Variants in IL4R observed in about 807,000 individuals in gnomAD.
IL4R encodes interleukin 4 receptor.
In IL4R, 17 loss-of-function variants were observed where a neutral mutation model predicts 41.5. The ratio of observed to expected loss-of-function variants is 0.41; its 90% CI spans 0.28 to 0.61. The LOEUF (loss-of-function observed/expected upper bound fraction) is 0.61. IL4R is among the 20% of genes least tolerant of loss of function. The probability of loss-of-function intolerance (pLI) is 0.31; values close to 1 mark genes in which losing one functional copy is unlikely to be tolerated. For synonymous variants in IL4R, 402 were observed against 422.9 expected (o/e 0.95, Z 0.61); for missense variants, 974 against 1,043.1 (o/e 0.93, Z 0.91).
Position 27,316,794 on chromosome 16 carries a change from G to C in IL4R, c.-152+2774G>C, listed in dbSNP as rs185343588. On this transcript the variant is annotated intron_variant, in intron 1 of 10. Transcript: ENST00000395762. ...CCAGAGCCTCAGTTTCTGCATTTAT[G>C]AGATTATAGTGACTATGCCATTGTA... Among the ~76,000 whole-genome samples the C allele has an allele frequency of 2.8e-4, 42 of 152,274 alleles. 1 individual carries two copies. The Middle Eastern group carries it at 0.01, about 37-fold the overall frequency.
intron 9 of IL4R, among the ~76,000 whole-genome samples, chr16:27,359,246 T>G (rs1766388260): frequency 1.3e-5 from 2 of 152,152 alleles, no homozygotes; most frequent in Admixed American, 6.5e-5. Flanking sequence ...TTCCCTCCCC[T>G]TGGGAGAATG....
In IL4R at chr16:27,364,738, G is replaced by T. The variant is rs2086441098; in HGVS notation, c.*908G>T. Reference sequence around the variant, plus strand: ...GTTTGCTGAGGAGAGTGGAACAGAAGGGGTGGAGTTTTGTATAAATAAAGT... The same window carrying T: ...GTTTGCTGAGGAGAGTGGAACAGAATGGGTGGAGTTTTGTATAAATAAAGT... On this transcript the variant is annotated 3_prime_UTR_variant, in exon 11 of 11. Transcript: ENST00000395762. 1 of 152,192 alleles carries T rather than the reference G, an allele frequency of 6.6e-6. No individual in the cohort carries two copies. The highest frequency in any genetic ancestry group is 1.5e-5 in the Non-Finnish European group (1 of 68,046). The allele number at this position is 152,192 out of a possible 1,614,324, so 9.4% of individuals were successfully genotyped here. A position where few individuals can be genotyped will look rare whatever the true frequency, so the allele number is the denominator to read the frequency against.
intron 1 of IL4R, among the ~76,000 whole-genome samples, chr16:27,317,477 G>A (rs2084681276): frequency 6.6e-6 from 1 of 152,150 alleles, no homozygotes; most frequent in Non-Finnish European, 1.5e-5. Flanking sequence ...GACTTACCAT[G>A]GCTGGGCTAG....
At chr16:27,331,202 C>T (rs1229938485) in intron 2 of IL4R, among the ~76,000 whole-genome samples, 2 of 152,112 alleles carry the variant, frequency 1.3e-5, no homozygotes, top group African/African-American at 2.4e-5. Context: ...TAAGTGTATG[C>T]ACCTTGCCAG....
chr16:27,362,164 A>G, intron 10 of IL4R, 88 bp from the exon 11 acceptor site: 1 of 1,277,246 alleles, frequency 7.8e-7, no homozygotes, highest in Non-Finnish European at 1.1e-6. Context: ...AGCCATCAGG[A>G]CATGGTGATT....
chr16:27,323,265 G>C (rs62029990), intron 1 of IL4R, among the ~76,000 whole-genome samples: 2 of 152,236 alleles, frequency 1.3e-5, no homozygotes. Context: ...ACAAAGGCCA[G>C]ATTCTAAATT....
intron 10 of IL4R, chr16:27,361,034 C>A: frequency 7.0e-7 from 1 of 1,431,514 alleles, no homozygotes; most frequent in Admixed American, 2.7e-5. Context: ...CATGGTGATA[C>A]CCCTTGGGAG....
chr16:27,359,808 G>T (rs1409610812), intron 9 of IL4R: 3 of 456,748 alleles, frequency 6.6e-6, no homozygotes, highest in Non-Finnish European at 1.3e-5. Context: ...TGCCATTTAT[G>T]TATCAGTTAG....
chr16:27,362,226 A>G (rs1045456235), intron 10 of IL4R, 26 bp from the exon 11 acceptor site: 2 of 1,607,666 alleles, frequency 1.2e-6, no homozygotes, highest in African/African-American at 2.7e-5. Context: ...TCGAAACTGA[A>G]CCCTGACCAA....
intron 1 of IL4R, among the ~76,000 whole-genome samples, chr16:27,317,486 A>G (rs769429751): frequency 2.6e-5 from 4 of 152,172 alleles, no homozygotes; most frequent in Non-Finnish European, 4.4e-5. Context: ...TGGCTGGGCT[A>G]GAAGAGAGGC....
At chr16:27,357,425 G>T (rs140777920) in intron 8 of IL4R, among the ~76,000 whole-genome samples, 1 of 152,068 alleles carries the variant, frequency 6.6e-6, no homozygotes, top group African/African-American at 2.4e-5. Flanking sequence ...GACAACAGGC[G>T]CTTGCCACCA....
chr16:27,362,867 C>G lies in IL4R; in HGVS notation c.1515C>G (p.Ser505Arg). ...ACCGCAGCTTCAGCAACTCCCTGAGCCAGTCACCGTGTCCCAGAGAGCTGG... is the reference window on the plus strand; with the variant it reads ...ACCGCAGCTTCAGCAACTCCCTGAGGCAGTCACCGTGTCCCAGAGAGCTGG... ...PAYRSFSNSL[S>R]QSPCPRELGP... The change falls in exon 11 of 11, where the codon AGC becomes AGG. Residue 505 changes from serine (S) to arginine (R), a missense_variant. By Grantham distance (110) the Ser-to-Arg change is moderately radical. Transcript: ENST00000395762. 6.2e-7 allele frequency: 1 copy of G among 1,614,182 alleles called. No homozygotes were observed. The highest frequency in any genetic ancestry group is 1.1e-5 in the South Asian group (1 of 91,080).
chr16:27,325,762 G>A (rs78291973), intron 1 of IL4R, among the ~76,000 whole-genome samples: 14 of 152,054 alleles, frequency 9.2e-5, no homozygotes, highest in Non-Finnish European at 1.6e-4. Flanking sequence ...GCCCCTCCCC[G>A]AGAGAACTCT....
At chr16:27,327,444 A>C (rs76441592) in intron 1 of IL4R, among the ~76,000 whole-genome samples, 2,634 of 152,230 alleles carry the variant, frequency 0.017, 68 homozygotes, top group African/African-American at 0.059. Context: ...AAGTGAGTCA[A>C]GTGTGTTCTC....
intron 1 of IL4R, among the ~76,000 whole-genome samples, chr16:27,325,730 T>C (rs1368962731): frequency 3.9e-5 from 6 of 152,104 alleles, no homozygotes; most frequent in African/African-American, 1.4e-4. Flanking sequence ...TGCTCACTTA[T>C]TGAGTGCCTG....
intron 1 of IL4R, among the ~76,000 whole-genome samples, chr16:27,327,510 C>A (rs1335983738): frequency 6.6e-6 from 1 of 152,164 alleles, no homozygotes; most frequent in Non-Finnish European, 1.5e-5. Context: ...CTGGCTGCGG[C>A]CTTCACTGAC....
At chr16:27,358,384 G>T (rs1338710937) in intron 8 of IL4R, among the ~76,000 whole-genome samples, 8 of 152,212 alleles carry the variant, frequency 5.3e-5, no homozygotes, top group Admixed American at 5.2e-4. Context: ...TTCAGAAGCG[G>T]TCTGAGGACC....
rs369875568 is a variant in IL4R, at chr16:27,345,044, G to T, written c.361+24G>T. The T allele has an allele frequency of 1.2e-6, 2 of 1,603,988 alleles. No individual in the cohort carries two copies. Among genetic ancestry groups the T allele is most frequent in the South Asian group, 2.2e-5 (2 of 90,862 alleles). ...TGGTGAGCAGGGCGGAGTGCGGCAG[G>T]GGTGGCTGGGTGTGTTCCCACAGCT... On this transcript the variant is annotated intron_variant, in intron 5 of 10. Transcript: ENST00000395762. This position sits in a 1 kb window ranked among gnomAD's most constrained non-coding sequence, Gnocchi z 4.5.
At chr16:27,338,258 G>A (rs1290932957) in intron 2 of IL4R, among the ~76,000 whole-genome samples, 2 of 150,962 alleles carry the variant, frequency 1.3e-5, no homozygotes, top group African/African-American at 4.9e-5. Context: ...TTATGACAGG[G>A]TCTTGCTGGA....
Sources: gnomAD v4.1 joint callset for allele counts (sites outside exome capture counted in the v4.1 genomes callset) on GRCh38, gnomAD v4.1.1 for gene constraint, Gnocchi (gnomAD v3.1) non-coding constraint, MANE v1.5 for transcripts, NCBI Gene and HGNC (gene_info 2026-07-23, HGNC 2026-07-21) for gene names.